The following IL1RAPL2 variants were observed in gnomAD, a reference collection of about 807,000 sequenced individuals.
IL1RAPL2 encodes interleukin 1 receptor accessory protein like 2.
Under a neutral mutation model 44.1 loss-of-function variants are expected in IL1RAPL2, and 3 were observed. That is an observed-to-expected ratio of 0.07 (90% CI 0.03 to 0.18). The LOEUF is 0.18. Ranked by LOEUF, IL1RAPL2 falls within the 10% of genes least tolerant of loss-of-function variation. The pLI, the probability that IL1RAPL2 is intolerant of heterozygous loss-of-function variation, is 1.00. For synonymous variants in IL1RAPL2, 181 were observed against 178.8 expected (o/e 1.01, Z -0.10); for missense variants, 391 against 496.4 (o/e 0.79, Z 2.02).
intron 2 of IL1RAPL2, among the ~76,000 whole-genome samples, chrX:105,177,198 C>G (rs1218887168): frequency 9.1e-6 from 1 of 110,317 alleles, no homozygotes; most frequent in African/African-American, 3.3e-5. Context: ...CCTGTCAGAT[C>G]AGGGACAGCA....
chrX:104,678,845 G>A (rs1452713165), intron 2 of IL1RAPL2, among the ~76,000 whole-genome samples: 2 of 111,008 alleles, frequency 1.8e-5, no homozygotes, highest in Non-Finnish European at 3.8e-5. Flanking sequence ...CGAGAGGAGG[G>A]ATAACATTAG....
At chrX:105,664,268 A>G (rs1422253883) in intron 6 of IL1RAPL2, among the ~76,000 whole-genome samples, 1 of 112,050 alleles carries the variant, frequency 8.9e-6, no homozygotes, top group Non-Finnish European at 1.9e-5. Context: ...TGAAAGTGCC[A>G]TATTCTGGGG....
intron 6 of IL1RAPL2, among the ~76,000 whole-genome samples, chrX:105,633,789 AT>A (rs112749256): frequency 0.018 from 2,025 of 111,567 alleles, 58 homozygotes; most frequent in African/African-American, 0.062. Context: ...TTAGTGATTT[AT>A]TCCCTAAGTG....
intron 2 of IL1RAPL2, among the ~76,000 whole-genome samples, chrX:105,029,251 T>C (rs188037212): frequency 0.061 from 6,568 of 106,975 alleles, 581 homozygotes; most frequent in African/African-American, 0.21. Context: ...TTATTTATTT[T>C]TATTTTATTA....
chrX:105,061,459 A>G (rs946532372), intron 2 of IL1RAPL2, among the ~76,000 whole-genome samples: 2 of 112,001 alleles, frequency 1.8e-5, no homozygotes, highest in Middle Eastern at 4.3e-3. Flanking sequence ...GTGATCTAAC[A>G]TATGTTCTAT....
At chrX:105,423,990 C>T (rs974303904) in intron 5 of IL1RAPL2, among the ~76,000 whole-genome samples, 1 of 111,357 alleles carries the variant, frequency 9.0e-6, no homozygotes, top group Non-Finnish European at 1.9e-5. Flanking sequence ...TTGGTTTGAG[C>T]CATAAAGTTA....
chrX:105,023,250 T>TA (rs781664062), intron 2 of IL1RAPL2, among the ~76,000 whole-genome samples: 9,343 of 105,186 alleles, frequency 0.089, 421 homozygotes, highest in African/African-American at 0.14. Context: ...AATGCTGGGT[T>TA]AAAAAAAAAA....
chrX:104,962,062 C>A (rs779069964), intron 2 of IL1RAPL2, among the ~76,000 whole-genome samples: 1 of 111,098 alleles, frequency 9.0e-6, no homozygotes, highest in African/African-American at 3.3e-5. Context: ...CAGTTTCAGG[C>A]CTTCACAGGC....
chrX:105,410,528 T>C (rs890276634), intron 5 of IL1RAPL2, among the ~76,000 whole-genome samples: 2 of 110,551 alleles, frequency 1.8e-5, no homozygotes, highest in African/African-American at 6.6e-5. Context: ...GAAGAGGATA[T>C]AGAGTGAGGA....
At chrX:105,692,731 T>C (rs1393917106) in intron 6 of IL1RAPL2, among the ~76,000 whole-genome samples, 2 of 109,376 alleles carry the variant, frequency 1.8e-5, no homozygotes, top group Non-Finnish European at 3.8e-5. Flanking sequence ...TTGAATACCA[T>C]GCTAAGCAAC....
chrX:104,625,738 T>C (rs988191444), intron 1 of IL1RAPL2, among the ~76,000 whole-genome samples: 6 of 111,484 alleles, frequency 5.4e-5, no homozygotes, highest in Admixed American at 9.6e-5. Context: ...CCCTCGTCTG[T>C]GCCAGTTCCT....
chrX:105,597,106 T>TAACA (rs1305305525), intron 6 of IL1RAPL2, among the ~76,000 whole-genome samples: 1 of 111,354 alleles, frequency 9.0e-6, no homozygotes, highest in Admixed American at 9.5e-5. Context: ...TATTAGTAAC[T>TAACA]AACACAATGG....
chrX:105,080,552 G>T (rs1368301475), intron 2 of IL1RAPL2, among the ~76,000 whole-genome samples: 1 of 106,809 alleles, frequency 9.4e-6, no homozygotes, highest in Admixed American at 9.7e-5. Flanking sequence ...TATTTCTGAG[G>T]CCTCTGTTCT....
At chrX:104,598,057 G>A (rs1297471467) in intron 1 of IL1RAPL2, among the ~76,000 whole-genome samples, 2 of 112,046 alleles carry the variant, frequency 1.8e-5, no homozygotes, top group African/African-American at 6.5e-5. Context: ...TAATTTTGAT[G>A]AAATGTCAAC....
intron 2 of IL1RAPL2, among the ~76,000 whole-genome samples, chrX:104,850,178 GATA>G (rs1348240094): frequency 3.6e-5 from 4 of 110,893 alleles, no homozygotes; most frequent in Non-Finnish European, 7.6e-5. Context: ...CTAAATTTTG[GATA>G]AAGAATTTTT....
intron 5 of IL1RAPL2, among the ~76,000 whole-genome samples, chrX:105,366,868 A>G (rs1461846746): frequency 3.6e-5 from 4 of 111,803 alleles, no homozygotes; most frequent in African/African-American, 1.3e-4. Context: ...TCTAAAGTCT[A>G]GTTCAAATCC....
intron 2 of IL1RAPL2, among the ~76,000 whole-genome samples, chrX:104,950,032 C>G (rs758392867): frequency 2.7e-5 from 3 of 110,996 alleles, no homozygotes; most frequent in East Asian, 5.7e-4. Context: ...TAACGTCTCC[C>G]TTTATTAATG....
At chrX:104,705,799 G>A (rs1931355642) in intron 2 of IL1RAPL2, among the ~76,000 whole-genome samples, 1 of 111,463 alleles carries the variant, frequency 9.0e-6, no homozygotes, top group African/African-American at 3.3e-5. Context: ...GATGGTGAAG[G>A]ACCTTTGACA....
chrX:105,459,465 A>G (rs771462382), intron 5 of IL1RAPL2, among the ~76,000 whole-genome samples: 6 of 111,426 alleles, frequency 5.4e-5, no homozygotes, highest in Non-Finnish European at 1.1e-4. Context: ...GTTCTCCTTT[A>G]AAGGTCAGCT....
Sources: allele counts gnomAD v4.1 joint callset (sites outside exome capture counted in the v4.1 genomes callset), GRCh38; gene constraint gnomAD v4.1.1; transcripts MANE v1.5; gene names NCBI Gene and HGNC (gene_info 2026-07-23, HGNC 2026-07-21).